LARGE1: variants seen among roughly 807,000 people sequenced by gnomAD.
LARGE1 encodes the protein xylosyl- and glucuronyltransferase LARGE1.
In LARGE1, 43 loss-of-function variants were observed where a neutral mutation model predicts 87.6. The ratio of observed to expected loss-of-function variants is 0.49; its 90% CI spans 0.38 to 0.63. The LOEUF is 0.63. LARGE1 is among the 30% of genes least tolerant of loss of function. The pLI, the probability that LARGE1 is intolerant of heterozygous loss-of-function variation, is 0.00. For synonymous variants in LARGE1, 434 were observed against 394.6 expected (o/e 1.10, Z -1.18); for missense variants, 802 against 1,000.2 (o/e 0.80, Z 2.67).
intron 1 of LARGE1, among the ~76,000 whole-genome samples, chr22:33,776,289 T>C (rs1196592897): frequency 2.6e-5 from 4 of 152,098 alleles, no homozygotes; most frequent in Non-Finnish European, 5.9e-5. Context: ...GGCAGGCAGG[T>C]GGTGTGGACA....
At chr22:33,197,808 A>G (rs1016643792) in intron 11 of LARGE1, among the ~76,000 whole-genome samples, 6 of 152,142 alleles carry the variant, frequency 3.9e-5, no homozygotes, top group Admixed American at 3.3e-4. Flanking sequence ...ATGTAAATAT[A>G]AAAGGCCTAG....
intron 6 of LARGE1, chr22:33,563,191 C>T (rs575321768): frequency 1.3e-5 from 2 of 152,242 alleles, no homozygotes; most frequent in Non-Finnish European, 2.9e-5. Flanking sequence ...ACTGCTCCCA[C>T]CAGCTGGCGT....
chr22:33,768,616 G>C (rs1467940988), intron 1 of LARGE1, among the ~76,000 whole-genome samples: 1 of 152,116 alleles, frequency 6.6e-6, no homozygotes, highest in East Asian at 1.9e-4. Context: ...ACAGGAGTCA[G>C]CAGCACACTC....
rs553317581 is a variant in LARGE1 at position 33,824,449 on chromosome 22, C to T, written c.-82-62891G>A. Reference sequence around the variant, plus strand: ...TCTTGTGAGAACTCATTCATTATCACGAGAACAGCAAGGGGGAAGTCCACC... The same window carrying T: ...TCTTGTGAGAACTCATTCATTATCATGAGAACAGCAAGGGGGAAGTCCACC... On this transcript the variant is annotated intron_variant, in intron 1 of 14. Transcript: ENST00000397394. Among the ~76,000 whole-genome samples, 14 of 152,268 alleles carry T rather than the reference C, an allele frequency of 9.2e-5. No individual in the cohort carries two copies. The South Asian group carries it at 1.5e-3, about 16-fold the overall frequency.
At position 33,306,655 on chromosome 22, in the gene LARGE1, C is replaced by T. The variant is rs536814457; in HGVS notation, c.1452-2148G>A. 2.4e-4 allele frequency among the ~76,000 whole-genome samples: 36 copies of T among 152,118 alleles called. 1 individual carries two copies. The South Asian group carries it at 7.1e-3, about 30-fold the overall frequency. On this transcript the variant is annotated intron_variant, in intron 11 of 14. Transcript: ENST00000397394. The stretch of plus-strand genomic sequence containing the variant: ...TGGGAGGCCAAGGCGGGCAGATCAT[C>T]GAGGTCAGGAATTCAAGACCAGCCT...
At chr22:33,238,546 T>C (rs1262800541) in intron 11 of LARGE1, among the ~76,000 whole-genome samples, 1 of 152,044 alleles carries the variant, frequency 6.6e-6, no homozygotes, top group African/African-American at 2.4e-5. Context: ...CCAAAGAAAA[T>C]GCATTTGCTT....
intron 12 of LARGE1, among the ~76,000 whole-genome samples, chr22:33,288,784 T>A (rs1569016823): frequency 6.6e-6 from 1 of 152,140 alleles, no homozygotes; most frequent in Admixed American, 6.6e-5. Context: ...TCTTGTCCCC[T>A]ACATGGGCCT....
intron 1 of LARGE1, among the ~76,000 whole-genome samples, chr22:33,790,790 A>G (rs565657849): frequency 1.4e-4 from 22 of 152,360 alleles, no homozygotes; most frequent in African/African-American, 5.1e-4. Flanking sequence ...CCAACTTCTC[A>G]AGTTCTACAA....
intron 1 of LARGE1, among the ~76,000 whole-genome samples, chr22:33,838,349 A>T (rs1415964908): frequency 6.6e-6 from 1 of 152,204 alleles, no homozygotes; most frequent in Non-Finnish European, 1.5e-5. Context: ...AATGTGTTTT[A>T]AAAAATTGGA....
chr22:33,443,240 T>A (rs2067553306), intron 6 of LARGE1, among the ~76,000 whole-genome samples: 1 of 152,214 alleles, frequency 6.6e-6, no homozygotes, highest in African/African-American at 2.4e-5. Context: ...GGGGATTGCA[T>A]TCCCACCTCT....
At chr22:33,808,899 T>C (rs1256662396) in intron 1 of LARGE1, among the ~76,000 whole-genome samples, 1 of 152,118 alleles carries the variant, frequency 6.6e-6, no homozygotes, top group Admixed American at 6.5e-5. Flanking sequence ...CCCAGACCCA[T>C]CTTCATCCAT....
At chr22:33,644,790 A>C (rs1053707003) in intron 3 of LARGE1, among the ~76,000 whole-genome samples, 13 of 152,220 alleles carry the variant, frequency 8.5e-5, no homozygotes, top group African/African-American at 3.1e-4. Context: ...GAGCCAAATC[A>C]TGAGTGAACT....
chr22:33,093,353 C>T, the LARGE1 span, among the ~76,000 whole-genome samples: 1 of 152,100 alleles, frequency 6.6e-6, no homozygotes, highest in Admixed American at 6.6e-5. Context: ...TAATAGGAGA[C>T]AAAGGCATAA....
intron 11 of LARGE1, among the ~76,000 whole-genome samples, chr22:33,259,005 GTAGC>G (rs923604180): frequency 1.3e-5 from 2 of 151,870 alleles, no homozygotes; most frequent in Admixed American, 6.6e-5. Context: ...AGCCTCCTGA[GTAGC>G]TGGGATTATG....
intron 2 of LARGE1, among the ~76,000 whole-genome samples, chr22:33,677,016 T>C (rs547463891): frequency 6.6e-6 from 1 of 152,216 alleles, no homozygotes; most frequent in African/African-American, 2.4e-5. Context: ...AAAGCAAATA[T>C]CATTTATCCT....
intron 4 of LARGE1, among the ~76,000 whole-genome samples, chr22:33,618,793 G>T (rs738964): frequency 0.74 from 112,644 of 152,140 alleles, 41,935 homozygotes; most frequent in African/African-American, 0.82. Flanking sequence ...GGTAAATTCT[G>T]GAACTGGATT....
At chr22:33,681,093 T>C (rs2081755685) in intron 2 of LARGE1, among the ~76,000 whole-genome samples, 1 of 152,178 alleles carries the variant, frequency 6.6e-6, no homozygotes, top group Non-Finnish European at 1.5e-5. Flanking sequence ...TACCTGCCAG[T>C]TCCAACACAC....
chr22:33,772,362 T>C (rs2145824421), intron 1 of LARGE1, among the ~76,000 whole-genome samples: 1 of 151,096 alleles, frequency 6.6e-6, no homozygotes, highest in South Asian at 2.1e-4. Context: ...TCAGTGTCTC[T>C]CATCAACTCT....
At chr22:33,355,331 CA>C in intron 9 of LARGE1, among the ~76,000 whole-genome samples, 1 of 152,288 alleles carries the variant, frequency 6.6e-6, no homozygotes, top group Admixed American at 6.5e-5. Context: ...AAGGCTCTTT[CA>C]GGGCAGGAAT....
Sources: gnomAD v4.1 joint callset for allele counts (sites outside exome capture counted in the v4.1 genomes callset) on GRCh38, gnomAD v4.1.1 for gene constraint, MANE v1.5 for transcripts, NCBI Gene and HGNC (gene_info 2026-07-23, HGNC 2026-07-21) for gene names.